The following POU2AF1 variants were observed in gnomAD, a reference collection of about 807,000 sequenced individuals.
POU2AF1 encodes the protein POU domain class 2-associating factor 1.
A neutral mutation model predicts 26.3 loss-of-function variants in POU2AF1; 12 were observed. That is an observed-to-expected ratio of 0.46 (90% CI 0.29 to 0.74). The LOEUF (loss-of-function observed/expected upper bound fraction) is 0.74. POU2AF1 is among the 30% of genes least tolerant of loss of function. The pLI is 0.09. For missense variants in POU2AF1, 297 were observed against 334.5 expected (o/e 0.89, Z 0.87); for synonymous variants, 175 against 148.0 (o/e 1.18, Z -1.32).
intron 2 of POU2AF1, among the ~76,000 whole-genome samples, chr11:111,358,350 ACTCACACT>A (rs1298654594): frequency 6.3e-5 from 2 of 31,990 alleles, no homozygotes; most frequent in East Asian, 9.5e-4. Flanking sequence ...ACACTCTCAC[ACTCACACT>A]CTCACACACT....
chr11:111,367,527 C>G (rs967638794), intron 1 of POU2AF1, among the ~76,000 whole-genome samples: 1 of 152,158 alleles, frequency 6.6e-6, no homozygotes, highest in African/African-American at 2.4e-5. Flanking sequence ...AGCCCAGGAC[C>G]TGTGATTCCA....
intron 1 of POU2AF1, among the ~76,000 whole-genome samples, chr11:111,371,469 C>T (rs547046469): frequency 6.6e-6 from 1 of 152,190 alleles, no homozygotes; most frequent in South Asian, 2.1e-4. Context: ...GTCTTGCCGC[C>T]ACCCTACCTT....
chr11:111,371,471 C>A (rs565438107), intron 1 of POU2AF1, among the ~76,000 whole-genome samples: 1 of 152,060 alleles, frequency 6.6e-6, no homozygotes, highest in Non-Finnish European at 1.5e-5. Flanking sequence ...CTTGCCGCCA[C>A]CCTACCTTAC....
Position 111,354,115 on chromosome 11 carries a change from GA to G in POU2AF1, c.*145del. The G allele has an allele frequency of 1.2e-6, 1 of 815,696 alleles. No individual in the cohort carries two copies. Among genetic ancestry groups the G allele is most frequent in the Non-Finnish European group, 1.8e-6 (1 of 541,812 alleles). The allele number at this position is 815,696 out of a possible 1,614,324, so 50.5% of individuals were successfully genotyped here. On this transcript the variant is annotated 3_prime_UTR_variant, in exon 5 of 5. Coordinates refer to ENST00000393067, the MANE Select transcript of POU2AF1 (RefSeq NM_006235.3). ...GAGGGAGGGGAAGGAAGAAGGGAAG[GA>G]AGGTTTACAGGTCTACAATTCTAGC...
At chr11:111,356,228 C>T (rs924457054) in intron 4 of POU2AF1, among the ~76,000 whole-genome samples, 2 of 152,190 alleles carry the variant, frequency 1.3e-5, no homozygotes, top group African/African-American at 4.8e-5. Flanking sequence ...GTGAGTCCTC[C>T]ACCCACCACC....
intron 4 of POU2AF1, among the ~76,000 whole-genome samples, chr11:111,355,890 G>A (rs545928599): frequency 8.5e-5 from 13 of 152,232 alleles, no homozygotes; most frequent in East Asian, 5.8e-4. Context: ...GACAGAATCC[G>A]GGAAAGCCTC....
chr11:111,363,794 C>T (rs1861054762), intron 1 of POU2AF1: 1 of 981,514 alleles, frequency 1.0e-6, no homozygotes, highest in Non-Finnish European at 1.2e-6. Flanking sequence ...TAACTTGTAA[C>T]TCCAAGTAGT....
intron 1 of POU2AF1, among the ~76,000 whole-genome samples, chr11:111,359,652 A>T (rs985154687): frequency 1.3e-5 from 2 of 152,254 alleles, no homozygotes; most frequent in Non-Finnish European, 2.9e-5. Flanking sequence ...ATATGCCTCA[A>T]ATAAATTCAG....
chr11:111,354,493 G>C lies in POU2AF1; in HGVS notation c.539C>G (p.Pro180Arg). 1 of 1,600,798 alleles carries C rather than the reference G, an allele frequency of 6.2e-7. No homozygotes were observed. The highest frequency in any genetic ancestry group is 8.5e-7 in the Non-Finnish European group (1 of 1,175,076). The part of the protein sequence containing the change: ...HQAPLTYFPW[P>R]QPLSTLPTST... ...GGTGGGTAGTGTGGAAAGGGGCTGA[G>C]GCCACGGGAAATAGGTGAGGGGTGC... The change falls in exon 5 of 5, where the codon CCT becomes CGT. Residue 180 changes from proline to arginine, a missense_variant. Transcript: ENST00000393067.
intron 2 of POU2AF1, 45 bp downstream of exon 2, chr11:111,358,743 C>G: frequency 1.3e-6 from 2 of 1,525,152 alleles, no homozygotes; most frequent in African/African-American, 2.7e-5. Flanking sequence ...CACACATTCT[C>G]TTTCACACAC....
At chr11:111,357,093 C>T (rs765105159) in intron 4 of POU2AF1, among the ~76,000 whole-genome samples, 2 of 152,232 alleles carry the variant, frequency 1.3e-5, no homozygotes, top group Non-Finnish European at 2.9e-5. Flanking sequence ...CTAGTTCCAA[C>T]ACAAGACCCC....
chr11:111,355,792 C>T (rs1045795433), intron 4 of POU2AF1, among the ~76,000 whole-genome samples: 5 of 152,270 alleles, frequency 3.3e-5, no homozygotes, highest in South Asian at 2.1e-4. Flanking sequence ...TCCTGAAATC[C>T]GGGCTGAGGT....
In POU2AF1 at chr11:111,358,416, A is replaced by T. The variant is rs1470984621; in HGVS notation, c.147+372T>A. 9.9e-3 allele frequency among the ~76,000 whole-genome samples: 820 copies of T among 82,922 alleles called. 16 individuals carry two copies. The highest frequency in any genetic ancestry group is 0.031 in the African/African-American group (769 of 24,930). 54.4% of individuals were successfully genotyped at this position (82,922 alleles called of 152,430 possible). On this transcript the variant is annotated intron_variant, in intron 2 of 4. Coordinates refer to ENST00000393067, the MANE Select transcript of POU2AF1 (RefSeq NM_006235.3). ...CCCTCACACACATACTCTCTCACAC[A>T]CACGCTCACACTCTCACACTCACTC...
At chr11:111,372,029 T>C (rs1005971479) in intron 1 of POU2AF1, among the ~76,000 whole-genome samples, 9 of 121,044 alleles carry the variant, frequency 7.4e-5, no homozygotes, top group South Asian at 2.7e-4. Flanking sequence ...CACACACAAA[T>C]ACACACACAC....
intron 4 of POU2AF1, among the ~76,000 whole-genome samples, chr11:111,354,962 G>A (rs1202366056): frequency 6.6e-6 from 1 of 152,174 alleles, no homozygotes; most frequent in East Asian, 1.9e-4. Flanking sequence ...AAAAATATAT[G>A]CATCTTAAAA....
chr11:111,367,615 C>T (rs928767918), intron 1 of POU2AF1, among the ~76,000 whole-genome samples: 12 of 86,186 alleles, frequency 1.4e-4, no homozygotes, highest in African/African-American at 4.1e-4. Flanking sequence ...AGCGACACTG[C>T]AGGTTAATCA....
At chr11:111,364,573 A>G (rs1861069282) in intron 1 of POU2AF1, among the ~76,000 whole-genome samples, 1 of 152,206 alleles carries the variant, frequency 6.6e-6, no homozygotes, top group South Asian at 2.1e-4. Flanking sequence ...GAAGCCATTC[A>G]TTCCCTAAAA....
intron 1 of POU2AF1, among the ~76,000 whole-genome samples, chr11:111,376,930 C>T (rs998112490): frequency 1.3e-5 from 2 of 152,080 alleles, no homozygotes; most frequent in African/African-American, 4.8e-5. Context: ...AAGGACAATT[C>T]AAGATAATTT....
rs1187817196 is a variant in POU2AF1 at position 111,352,963 on chromosome 11, G to GAGGAAGGAAGGAAGGA, written c.*1282_*1297dup. The GAGGAAGGAAGGAAGGA allele has an allele frequency of 3.6e-5, 5 of 137,894 alleles. No individual in the cohort carries two copies. The highest frequency in any genetic ancestry group is 1.0e-4 in the African/African-American group (3 of 28,788). The allele number at this position is 137,894 out of a possible 1,614,324, so 8.5% of individuals were successfully genotyped here. A position where few individuals can be genotyped will look rare whatever the true frequency, so the allele number is the denominator to read the frequency against. ...AAACCAAAAAAAAGAAAGAAAGAGA[G>GAGGAAGGAAGGAAGGA]AGGAAGGAAGGAAGGAAGGAAGGAA... On this transcript the variant is annotated 3_prime_UTR_variant, in exon 5 of 5. Coordinates refer to ENST00000393067, the MANE Select transcript of POU2AF1 (RefSeq NM_006235.3).
Sources: gnomAD v4.1 joint callset for allele counts (sites outside exome capture counted in the v4.1 genomes callset) on GRCh38, gnomAD v4.1.1 for gene constraint, MANE v1.5 for transcripts, NCBI Gene and HGNC (gene_info 2026-07-23, HGNC 2026-07-21) for gene names.